The following MGAT4C variants were observed in gnomAD, a reference collection of about 807,000 sequenced individuals.
MGAT4C encodes the protein MGAT4 family member C, also known as alpha-1,3-mannosyl-glycoprotein 4-beta-N-acetylglucosaminyltransferase C.
Under a neutral mutation model 40.1 loss-of-function variants are expected in MGAT4C, and 19 were observed. The observed-to-expected ratio is 0.47, with a 90% CI of 0.33 to 0.70. The LOEUF is 0.70. Ranked by LOEUF, MGAT4C falls within the 30% of genes least tolerant of loss-of-function variation. The pLI, the probability that MGAT4C is intolerant of heterozygous loss-of-function variation, is 0.02. For missense variants in MGAT4C, 491 were observed against 563.2 expected, an observed-to-expected ratio of 0.87 and a Z score of 1.30; for synonymous variants, 181 against 187.1, an observed-to-expected ratio of 0.97 and a Z score of 0.27.
In MGAT4C at chr12:86,127,305, C is replaced by T. The variant is rs543498300; in HGVS notation, c.-56-77582G>A. Among the ~76,000 whole-genome samples, 368 of 152,146 alleles carry T rather than the reference C, an allele frequency of 2.4e-3. 2 individuals carry two copies. Among genetic ancestry groups the T allele is most frequent in the Non-Finnish European group, 4.1e-3 (279 of 67,996 alleles). The stretch of plus-strand genomic sequence containing the variant: ...GTAAGTATTTGTGTATTCAAACATA[C>T]CTAAACACAGAAAAGGTACAATAAA... On this transcript the variant is annotated intron_variant, in intron 1 of 4. Transcript: ENST00000611864.
intron 2 of MGAT4C, among the ~76,000 whole-genome samples, chr12:86,554,440 A>G (rs1235582201): frequency 6.6e-6 from 1 of 152,028 alleles, no homozygotes; most frequent in African/African-American, 2.4e-5. Context: ...TTTTTTGTCT[A>G]CCATATTGCC....
At chr12:86,756,816 G>C (rs938006729) in intron 1 of MGAT4C, among the ~76,000 whole-genome samples, 1 of 152,030 alleles carries the variant, frequency 6.6e-6, no homozygotes, top group African/African-American at 2.4e-5. Flanking sequence ...CTTGGTTCTG[G>C]CATGTCTACT....
chr12:86,667,449 A>G (rs1447934007), intron 2 of MGAT4C, among the ~76,000 whole-genome samples: 1 of 152,168 alleles, frequency 6.6e-6, no homozygotes, highest in African/African-American at 2.4e-5. Context: ...TAGAATTCGT[A>G]CTCCTATTAT....
At chr12:86,386,221 A>G (rs1015040284) in intron 3 of MGAT4C, among the ~76,000 whole-genome samples, 1 of 152,048 alleles carries the variant, frequency 6.6e-6, no homozygotes, top group Non-Finnish European at 1.5e-5. Flanking sequence ...TGAGCCAGGT[A>G]ATTATTTTTG....
At chr12:86,821,672 G>A (rs1225519964) in intron 1 of MGAT4C, among the ~76,000 whole-genome samples, 1 of 150,768 alleles carries the variant, frequency 6.6e-6, no homozygotes, top group Non-Finnish European at 1.5e-5. Flanking sequence ...GCACCAGGGA[G>A]GTTTCATTAT....
chr12:86,267,267 A>G (rs1276891211), intron 4 of MGAT4C, among the ~76,000 whole-genome samples: 1 of 152,124 alleles, frequency 6.6e-6, no homozygotes, highest in Non-Finnish European at 1.5e-5. Flanking sequence ...GCTTTGCTGT[A>G]TCTCACAGAT....
chr12:86,232,613 T>C (rs938987939), intron 1 of MGAT4C, among the ~76,000 whole-genome samples: 4 of 152,146 alleles, frequency 2.6e-5, no homozygotes, highest in East Asian at 3.9e-4. Context: ...AAATAAAACA[T>C]GAACAGATTG....
Position 85,979,632 on chromosome 12 carries a change from T to G in MGAT4C, c.1094A>C (p.Asp365Ala). The G allele has an allele frequency of 6.2e-7, 1 of 1,612,126 alleles. No individual in the cohort carries two copies. The highest frequency in any genetic ancestry group is 8.5e-7 in the Non-Finnish European group (1 of 1,179,644). Reference protein sequence around the residue: ...YEASKAYSSVDEYFWGKPPST... With the variant: ...YEASKAYSSVAEYFWGKPPST... ...AGGTGGTTTCCCCCAAAAGTACTCA[T>G]CAACACTACTGTAAGCCTTGCTTGC... The change falls in exon 5 of 5, where the codon GAT (aspartate) becomes GCT (alanine). Residue 365 changes from aspartate to alanine, a missense_variant. By Grantham distance (126) the Asp-to-Ala change is moderately radical (BLOSUM62 -2). Coordinates refer to ENST00000611864, the MANE Select transcript of MGAT4C (RefSeq NM_001351288.2).
intron 2 of MGAT4C, among the ~76,000 whole-genome samples, chr12:86,680,572 G>T (rs1000906977): frequency 3.3e-5 from 5 of 151,972 alleles, no homozygotes; most frequent in Non-Finnish European, 7.4e-5. Context: ...TGGCCATAGG[G>T]TTGCATAGTT....
intron 3 of MGAT4C, among the ~76,000 whole-genome samples, chr12:86,334,494 T>G (rs921823792): frequency 2.0e-5 from 3 of 152,160 alleles, no homozygotes; most frequent in Non-Finnish European, 4.4e-5. Context: ...ATAAACAATA[T>G]GATCAATTTA....
intron 4 of MGAT4C, among the ~76,000 whole-genome samples, chr12:86,309,653 G>A (rs1954021003): frequency 6.6e-6 from 1 of 152,148 alleles, no homozygotes; most frequent in Admixed American, 6.5e-5. Flanking sequence ...CATGAATTTT[G>A]GGGGATACAT....
chr12:86,504,940 G>A (rs1038774503), intron 2 of MGAT4C, among the ~76,000 whole-genome samples: 3 of 151,936 alleles, frequency 2.0e-5, no homozygotes, highest in Admixed American at 6.6e-5. Flanking sequence ...AGACACCGGC[G>A]CCCAGCCAAT....
intron 2 of MGAT4C, chr12:86,002,323 G>A (rs1054965236): frequency 5.9e-5 from 9 of 152,096 alleles, no homozygotes; most frequent in African/African-American, 1.7e-4. Context: ...TCAGTTTCTT[G>A]CCTAAAATGT....
At chr12:86,142,866 C>A (rs186102393) in intron 1 of MGAT4C, among the ~76,000 whole-genome samples, 1 of 151,734 alleles carries the variant, frequency 6.6e-6, no homozygotes, top group Non-Finnish European at 1.5e-5. Flanking sequence ...CTGTATTTGG[C>A]GATAGATCTT....
chr12:86,496,633 T>C (rs1958241713), intron 2 of MGAT4C, among the ~76,000 whole-genome samples: 2 of 151,968 alleles, frequency 1.3e-5, no homozygotes, highest in Non-Finnish European at 1.5e-5. Flanking sequence ...AGCTATATAT[T>C]TGAAAAATTG....
At chr12:86,598,018 T>C (rs1961607633) in intron 2 of MGAT4C, among the ~76,000 whole-genome samples, 2 of 152,176 alleles carry the variant, frequency 1.3e-5, no homozygotes, top group African/African-American at 2.4e-5. Flanking sequence ...AAGTGTCTTA[T>C]ACAAGTGTAC....
chr12:86,706,518 AAAGGGC>A (rs1405516388), intron 2 of MGAT4C, among the ~76,000 whole-genome samples: 2 of 152,132 alleles, frequency 1.3e-5, no homozygotes, highest in African/African-American at 4.8e-5. Flanking sequence ...TTAGCCTTCC[AAAGGGC>A]TAGGTTTACA....
chr12:86,045,965 C>T (rs1892361694), intron 2 of MGAT4C, among the ~76,000 whole-genome samples: 2 of 151,992 alleles, frequency 1.3e-5, no homozygotes, highest in South Asian at 4.1e-4. Context: ...TGGTTATACC[C>T]AAGGTTATGG....
intron 2 of MGAT4C, among the ~76,000 whole-genome samples, chr12:86,618,264 T>C (rs554965862): frequency 6.3e-4 from 96 of 152,344 alleles, no homozygotes; most frequent in African/African-American, 2.0e-3. Context: ...GAAAATAGTA[T>C]GGCGATTTCC....
Sources: allele counts gnomAD v4.1 joint callset (sites outside exome capture counted in the v4.1 genomes callset), GRCh38; gene constraint gnomAD v4.1.1; transcripts MANE v1.5; gene names NCBI Gene and HGNC (gene_info 2026-07-23, HGNC 2026-07-21).